CCL28: variants seen among roughly 807,000 people sequenced by gnomAD.
The protein encoded by CCL28 is C-C motif chemokine 28.
Under a neutral mutation model 7.1 loss-of-function variants are expected in CCL28, and 4 were observed. The observed-to-expected ratio is 0.56, with a 90% CI of 0.28 to 1.29. CCL28 has a LOEUF of 1.29. Among genes scored for constraint, CCL28 ranks in the 50% most tolerant of loss-of-function variants. The pLI, the probability that CCL28 is intolerant of heterozygous loss-of-function variation, is 0.11. For missense variants in CCL28, 151 were observed against 163.4 expected (o/e 0.92, Z 0.41); for synonymous variants, 55 against 57.8 (o/e 0.95, Z 0.22).
intron 1 of CCL28, among the ~76,000 whole-genome samples, chr5:43,408,609 G>A (rs1186418892): frequency 2.6e-5 from 4 of 152,070 alleles, no homozygotes; most frequent in Non-Finnish European, 5.9e-5. Flanking sequence ...TGCACATTGT[G>A]CACATGTACC....
chr5:43,370,332 C>A, the CCL28 span, among the ~76,000 whole-genome samples: 192 of 152,060 alleles, frequency 1.3e-3, no homozygotes, highest in African/African-American at 4.6e-3. Flanking sequence ...CACATCATAT[C>A]GCTTAATCTC....
intron 2 of CCL28, chr5:43,388,020 T>C (rs1740411406): frequency 4.8e-6 from 1 of 207,258 alleles, no homozygotes; most frequent in Non-Finnish European, 9.6e-6. Flanking sequence ...CCATGAAATA[T>C]AACAGAGTTA....
chr5:43,379,014 A>G (rs1025510637), downstream of CCL28, among the ~76,000 whole-genome samples: 1 of 152,130 alleles, frequency 6.6e-6, no homozygotes, highest in African/African-American at 2.4e-5. Flanking sequence ...CAGGCACACT[A>G]TCTTCAGACA....
At chr5:43,406,978 A>T (rs143563238) in intron 1 of CCL28, among the ~76,000 whole-genome samples, 2,906 of 152,328 alleles carry the variant, frequency 0.019, 44 homozygotes, top group South Asian at 0.05. Context: ...ACCACTGCTC[A>T]ATGAAATAAA....
At chr5:43,394,342 T>G (rs1339269321) in intron 1 of CCL28, among the ~76,000 whole-genome samples, 1 of 152,206 alleles carries the variant, frequency 6.6e-6, no homozygotes, top group Non-Finnish European at 1.5e-5. Context: ...TTAGAATCAG[T>G]TTGCTTAGTT....
At chr5:43,370,267 C>T in the CCL28 span, among the ~76,000 whole-genome samples, 13 of 152,140 alleles carry the variant, frequency 8.5e-5, no homozygotes, top group Non-Finnish European at 1.8e-4. Context: ...TACCAGTTAA[C>T]GAATACATAA....
Position 43,379,481 on chromosome 5 carries a change from T to C in CCL28, c.*2379A>G, listed in dbSNP as rs899787365. ...CCTCTAAGAGCCTCAAATTTCCTCATCTATAAAGTGGAAATATAAATACAA... is the reference window on the plus strand; with the variant it reads ...CCTCTAAGAGCCTCAAATTTCCTCACCTATAAAGTGGAAATATAAATACAA... On this transcript the variant is annotated 3_prime_UTR_variant, in exon 3 of 3. Coordinates refer to ENST00000361115, the MANE Select transcript of CCL28 (RefSeq NM_148672.3). 3 of 152,152 alleles carry C rather than the reference T, an allele frequency of 2.0e-5. No homozygotes were observed. The highest frequency in any genetic ancestry group is 4.4e-5 in the Non-Finnish European group (3 of 68,034). 9.4% of individuals were successfully genotyped at this position (152,152 alleles called of 1,614,324 possible).
chr5:43,365,272 G>A, the CCL28 span, among the ~76,000 whole-genome samples: 1 of 152,096 alleles, frequency 6.6e-6, no homozygotes, highest in East Asian at 1.9e-4. Flanking sequence ...CAAAGTTCTG[G>A]GTTTACAGGC....
At chr5:43,401,912 G>A (rs1216454159) in intron 1 of CCL28, among the ~76,000 whole-genome samples, 1 of 152,162 alleles carries the variant, frequency 6.6e-6, no homozygotes, top group Non-Finnish European at 1.5e-5. Flanking sequence ...AGGAAGAGGG[G>A]GTTTTCCTTC....
At chr5:43,404,127 G>A (rs1161881167) in intron 1 of CCL28, among the ~76,000 whole-genome samples, 1 of 152,146 alleles carries the variant, frequency 6.6e-6, no homozygotes, top group East Asian at 1.9e-4. Context: ...TAGCAAGGCA[G>A]GCCAACATTC....
chr5:43,408,976 G>A (rs1339881595), intron 1 of CCL28, among the ~76,000 whole-genome samples: 4 of 149,822 alleles, frequency 2.7e-5, no homozygotes, highest in East Asian at 2.0e-4. Context: ...CTGCAGCCTC[G>A]AACTCCTGGG....
At chr5:43,393,674 G>A (rs1740676578) in intron 1 of CCL28, among the ~76,000 whole-genome samples, 1 of 150,238 alleles carries the variant, frequency 6.7e-6, no homozygotes, top group South Asian at 2.1e-4. Flanking sequence ...CCATTCTTAA[G>A]ATGAGGTTCT....
At chr5:43,360,672 A>C in the CCL28 span, among the ~76,000 whole-genome samples, 1 of 152,090 alleles carries the variant, frequency 6.6e-6, no homozygotes, top group Admixed American at 6.6e-5. Context: ...CATTTTTCTA[A>C]TGATTAGTGA....
chr5:43,399,899 G>T (rs1316165161), intron 1 of CCL28, among the ~76,000 whole-genome samples: 11 of 150,276 alleles, frequency 7.3e-5, no homozygotes, highest in African/African-American at 2.5e-4. Flanking sequence ...AGGCTGGAGC[G>T]CAATGGTGTG....
chr5:43,381,825 G>A lies in CCL28; in HGVS notation c.*35C>T. Reference sequence around the variant, plus strand: ...CAACCAATCATGGCCAAGTCCACTTGAGGAATTGTCTCTGTAGATTTATCT... The same window carrying A: ...CAACCAATCATGGCCAAGTCCACTTAAGGAATTGTCTCTGTAGATTTATCT... On this transcript the variant is annotated 3_prime_UTR_variant, in exon 3 of 3. Transcript: ENST00000361115. 2.6e-6 allele frequency: 4 copies of A among 1,536,632 alleles called. No homozygotes were observed. Among genetic ancestry groups the A allele is most frequent in the South Asian group, 1.2e-5 (1 of 84,176 alleles).
rs532462325 is a variant in CCL28 at position 43,406,443 on chromosome 5, A to G, written c.64+5810T>C. Among the ~76,000 whole-genome samples, 209 of 152,316 alleles carry G rather than the reference A, an allele frequency of 1.4e-3. 1 individual carries two copies. Among genetic ancestry groups the G allele is most frequent in the African/African-American group, 4.8e-3 (199 of 41,562 alleles). On this transcript the variant is annotated intron_variant, in intron 1 of 2. Transcript: ENST00000361115. ...GCAGAAAAGGCCTTTGACAAAATTC[A>G]ACAACTCTTCATGCTAAAAACTCTC...
Position 43,393,272 on chromosome 5 carries a change from G to A in CCL28, c.65-4796C>T, listed in dbSNP as rs545958395. ...TGGTCTCCAAGTCCTGGACTCAAGG[G>A]ATCCGCCCACCTTGGCCTCCCCAAA... On this transcript the variant is annotated intron_variant, in intron 1 of 2. Transcript: ENST00000361115. Among the ~76,000 whole-genome samples the A allele has an allele frequency of 9.2e-5, 14 of 152,072 alleles. No homozygotes were observed. In the South Asian group the frequency reaches 2.9e-3, roughly 32 times the overall value.
chr5:43,398,790 C>T (rs1740918585), intron 1 of CCL28, among the ~76,000 whole-genome samples: 1 of 151,994 alleles, frequency 6.6e-6, no homozygotes, highest in African/African-American at 2.4e-5. Context: ...GTGGAGGTTG[C>T]AGTGAGCCGA....
intron 2 of CCL28, among the ~76,000 whole-genome samples, chr5:43,387,211 TG>T (rs140657924): frequency 1.4e-3 from 219 of 152,290 alleles, no homozygotes; most frequent in African/African-American, 5.2e-3. Context: ...AGAATGACAT[TG>T]GAGGTGTACA....
Sources: gnomAD v4.1 joint callset for allele counts (sites outside exome capture counted in the v4.1 genomes callset) on GRCh38, gnomAD v4.1.1 for gene constraint, MANE v1.5 for transcripts, NCBI Gene and HGNC (gene_info 2026-07-23, HGNC 2026-07-21) for gene names.